The following OPCML variants were observed in gnomAD, a reference collection of about 807,000 sequenced individuals.
OPCML encodes opioid binding protein/cell adhesion molecule like, also known as opioid-binding protein/cell adhesion molecule.
A neutral mutation model predicts 37.8 loss-of-function variants in OPCML; 13 were observed. The observed-to-expected ratio is 0.34, with a 90% CI of 0.22 to 0.55. The LOEUF is 0.55. Ranked by LOEUF, OPCML falls within the 20% of genes least tolerant of loss-of-function variation. The pLI is 0.91. For synonymous variants in OPCML, 176 were observed against 168.8 expected, an observed-to-expected ratio of 1.04 and a Z score of -0.33; for missense variants, 341 against 435.6, an observed-to-expected ratio of 0.78 and a Z score of 1.93.
intron 1 of OPCML, among the ~76,000 whole-genome samples, chr11:133,272,725 A>G (rs1941885751): frequency 6.6e-6 from 1 of 152,160 alleles, no homozygotes. Flanking sequence ...TTATTTTACC[A>G]AACTCACAAA....
At chr11:132,762,857 G>A (rs1435332902) in intron 2 of OPCML, among the ~76,000 whole-genome samples, 2 of 152,056 alleles carry the variant, frequency 1.3e-5, no homozygotes, top group South Asian at 4.1e-4. Flanking sequence ...GTGCCACTGA[G>A]GTACAAAAAA....
At chr11:132,744,397 C>T (rs1476657910) in intron 2 of OPCML, among the ~76,000 whole-genome samples, 1 of 152,198 alleles carries the variant, frequency 6.6e-6, no homozygotes, top group Non-Finnish European at 1.5e-5. Context: ...ATTCCAGTGT[C>T]CACCTCTCTT....
intron 1 of OPCML, among the ~76,000 whole-genome samples, chr11:133,469,283 T>C (rs1279146363): frequency 1.3e-5 from 2 of 152,220 alleles, no homozygotes; most frequent in Non-Finnish European, 2.9e-5. Context: ...TACTGAACCT[T>C]TTCTATGTGT....
chr11:133,267,392 C>G (rs1011409780), intron 1 of OPCML, among the ~76,000 whole-genome samples: 1 of 152,158 alleles, frequency 6.6e-6, no homozygotes, highest in Admixed American at 6.5e-5. Flanking sequence ...CTGATCACTC[C>G]GAGCCTCAGT....
At chr11:133,398,826 G>A (rs184318053) in intron 1 of OPCML, among the ~76,000 whole-genome samples, 2 of 151,532 alleles carry the variant, frequency 1.3e-5, no homozygotes, top group East Asian at 1.9e-4. Flanking sequence ...TTCATCTCCC[G>A]GCCAGGGTCC....
intron 1 of OPCML, among the ~76,000 whole-genome samples, chr11:133,498,710 T>C (rs905006920): frequency 1.3e-5 from 2 of 152,202 alleles, no homozygotes; most frequent in African/African-American, 2.4e-5. Context: ...TCTGATTTTA[T>C]GCTCCACTTA....
chr11:132,515,388 G>A (rs1333836081), intron 4 of OPCML, among the ~76,000 whole-genome samples: 1 of 152,146 alleles, frequency 6.6e-6, no homozygotes, highest in Admixed American at 6.5e-5. Flanking sequence ...CTACAAGGAG[G>A]GAAATAGGGT....
intron 1 of OPCML, among the ~76,000 whole-genome samples, chr11:133,226,425 C>G (rs535151212): frequency 3.7e-4 from 57 of 152,260 alleles, no homozygotes; most frequent in African/African-American, 1.4e-3. Context: ...TGGTTGTGAT[C>G]CAAAGAGCCT....
chr11:133,093,107 A>T (rs1197091553), intron 1 of OPCML, among the ~76,000 whole-genome samples: 1 of 152,064 alleles, frequency 6.6e-6, no homozygotes, highest in Non-Finnish European at 1.5e-5. Flanking sequence ...TTTGATGAAC[A>T]GGGGTATTTG....
At chr11:132,736,474 C>T (rs1199712696) in intron 2 of OPCML, among the ~76,000 whole-genome samples, 1 of 152,208 alleles carries the variant, frequency 6.6e-6, no homozygotes, top group East Asian at 1.9e-4. Context: ...AAAATGCCCC[C>T]AACCATCCTT....
chr11:133,017,338 G>T (rs1306563154), intron 1 of OPCML, among the ~76,000 whole-genome samples: 1 of 151,904 alleles, frequency 6.6e-6, no homozygotes, highest in African/African-American at 2.4e-5. Flanking sequence ...TACTCCCTAG[G>T]TAATTCTTAG....
At chr11:132,518,737 C>T (rs1160387501) in intron 4 of OPCML, among the ~76,000 whole-genome samples, 2 of 152,132 alleles carry the variant, frequency 1.3e-5, no homozygotes, top group Admixed American at 6.5e-5. Context: ...ATGCCATGGC[C>T]TTGATCACCT....
chr11:133,249,298 AAG>A (rs1282279847), intron 1 of OPCML, among the ~76,000 whole-genome samples: 2 of 152,096 alleles, frequency 1.3e-5, no homozygotes, highest in Non-Finnish European at 2.9e-5. Flanking sequence ...GAGGAAGGGA[AAG>A]AGAGAAAGGG....
At chr11:132,608,885 C>T (rs1401214723) in intron 3 of OPCML, among the ~76,000 whole-genome samples, 2 of 152,154 alleles carry the variant, frequency 1.3e-5, no homozygotes, top group Non-Finnish European at 1.5e-5. Flanking sequence ...CACTGTGTAC[C>T]TCCAGTGTGT....
chr11:132,463,844 C>T (rs575688787), intron 4 of OPCML, among the ~76,000 whole-genome samples: 8 of 152,268 alleles, frequency 5.3e-5, no homozygotes, highest in Admixed American at 5.2e-4. Flanking sequence ...TTGACTATTG[C>T]TAGTCTAGCT....
chr11:132,722,610 G>A lies in OPCML; in HGVS notation c.147-65291C>T, dbSNP rs79528028. ...GCAGTTTCTAGGGAGGAGCTCACTA[G>A]ATTATTGGAACATCATCGTTAGTTG... On this transcript the variant is annotated intron_variant, in intron 2 of 7. Coordinates refer to ENST00000524381, the MANE Select transcript of OPCML (RefSeq NM_001012393.5). Among the ~76,000 whole-genome samples, 121 of 152,230 alleles carry A rather than the reference G, an allele frequency of 7.9e-4. 2 individuals carry two copies. The East Asian group carries it at 0.021, about 26-fold the overall frequency.
At chr11:132,972,559 GT>G (rs1946368465) in intron 1 of OPCML, among the ~76,000 whole-genome samples, 1 of 152,212 alleles carries the variant, frequency 6.6e-6, no homozygotes, top group Non-Finnish European at 1.5e-5. Flanking sequence ...GCCATCGTTT[GT>G]CATGTTAAGC....
At chr11:132,910,915 G>A (rs1469407131) in intron 2 of OPCML, among the ~76,000 whole-genome samples, 5 of 152,246 alleles carry the variant, frequency 3.3e-5, no homozygotes, top group South Asian at 2.1e-4. Context: ...AAAGACCCCA[G>A]GTAATTTGGA....
chr11:132,966,417 C>G (rs1946216419), intron 1 of OPCML, among the ~76,000 whole-genome samples: 1 of 152,048 alleles, frequency 6.6e-6, no homozygotes, highest in African/African-American at 2.4e-5. Flanking sequence ...ATATACCATA[C>G]TTTCCATTAT....
Sources: gnomAD v4.1 joint callset for allele counts (sites outside exome capture counted in the v4.1 genomes callset) on GRCh38, gnomAD v4.1.1 for gene constraint, MANE v1.5 for transcripts, NCBI Gene and HGNC (gene_info 2026-07-23, HGNC 2026-07-21) for gene names.